SENP7: variants seen among roughly 807,000 people sequenced by gnomAD.
SENP7 encodes the protein SUMO specific peptidase 7.
SENP7 carries 64 observed loss-of-function variants against 141.2 expected under a neutral mutation model. The ratio of observed to expected loss-of-function variants is 0.45; its 90% CI spans 0.37 to 0.56. SENP7 has a LOEUF of 0.56. SENP7 is among the 20% of genes least tolerant of loss of function. The pLI, the probability that SENP7 is intolerant of heterozygous loss-of-function variation, is 0.00. For missense variants in SENP7, 1,025 were observed against 1,212.2 expected (o/e 0.85, Z 2.29); for synonymous variants, 382 against 426.4 (o/e 0.90, Z 1.28).
At chr3:101,400,975 G>A (rs974025267) in intron 5 of SENP7, among the ~76,000 whole-genome samples, 4 of 152,010 alleles carry the variant, frequency 2.6e-5, no homozygotes, top group Admixed American at 6.6e-5. Flanking sequence ...GTACATGCCT[G>A]TAGTCCGAGC....
chr3:101,433,833 C>T (rs1008736719), intron 4 of SENP7, among the ~76,000 whole-genome samples: 1 of 152,088 alleles, frequency 6.6e-6, no homozygotes, highest in African/African-American at 2.4e-5. Flanking sequence ...GAGACTTCAG[C>T]ACCCCACTTT....
chr3:101,348,218 G>GCC (rs1443301951), intron 12 of SENP7, among the ~76,000 whole-genome samples, 167 bp from the exon 13 acceptor site: 5 of 151,902 alleles, frequency 3.3e-5, no homozygotes, highest in African/African-American at 1.2e-4. Flanking sequence ...TAGCTAAAAT[G>GCC]CCCCCAGCAG....
intron 5 of SENP7, among the ~76,000 whole-genome samples, chr3:101,400,230 G>A (rs930134525): frequency 1.3e-5 from 2 of 152,036 alleles, no homozygotes; most frequent in African/African-American, 2.4e-5. Context: ...CTCTTTATTA[G>A]ATGCCCAGTT....
chr3:101,326,665 A>G (rs1158889062), intron 23 of SENP7, among the ~76,000 whole-genome samples: 1 of 152,162 alleles, frequency 6.6e-6, no homozygotes, highest in Non-Finnish European at 1.5e-5. Context: ...TCTGTGAGCT[A>G]GAAAATAACA....
At chr3:101,359,397 T>C (rs1288604455) in intron 11 of SENP7, among the ~76,000 whole-genome samples, 1 of 149,610 alleles carries the variant, frequency 6.7e-6, no homozygotes, top group Non-Finnish European at 1.5e-5. Flanking sequence ...TATATAAATA[T>C]ATATATAGAA....
intron 6 of SENP7, among the ~76,000 whole-genome samples, chr3:101,373,029 C>G (rs1394016472): frequency 1.3e-5 from 2 of 151,856 alleles, no homozygotes; most frequent in Non-Finnish European, 2.9e-5. Flanking sequence ...ACCAATTACA[C>G]GTAATGCTTC....
intron 17 of SENP7, among the ~76,000 whole-genome samples, chr3:101,334,053 C>T (rs971810853): frequency 6.6e-6 from 1 of 152,150 alleles, no homozygotes; most frequent in African/African-American, 2.4e-5. Context: ...GAGTATCTAA[C>T]GCTGCCACTG....
intron 6 of SENP7, among the ~76,000 whole-genome samples, chr3:101,375,537 C>T (rs1248233254): frequency 2.1e-5 from 2 of 93,278 alleles, no homozygotes; most frequent in African/African-American, 8.7e-5. Context: ...AGCGAAATTC[C>T]ATCTCCAAAA....
intron 4 of SENP7, among the ~76,000 whole-genome samples, chr3:101,439,222 A>C (rs2062531277): frequency 1.1e-5 from 1 of 92,668 alleles, no homozygotes; most frequent in Non-Finnish European, 2.3e-5. Flanking sequence ...TGCCCGGCCG[A>C]GACCCCGTCT....
rs77391428 is a variant in SENP7 at position 101,365,737 on chromosome 3, C to A, written c.1318+693G>T. ...TAAATTTATTCAATTTAGAAACAGG[C>A]CTATCAGTTGTTATCTGATTTATAG... On this transcript the variant is annotated intron_variant, in intron 9 of 23. Coordinates refer to ENST00000394095, the MANE Select transcript of SENP7 (RefSeq NM_020654.5). Among the ~76,000 whole-genome samples the A allele has an allele frequency of 6.0e-3, 918 of 151,822 alleles. 11 individuals carry two copies. Among genetic ancestry groups the A allele is most frequent in the African/African-American group, 0.021 (888 of 41,354 alleles).
At chr3:101,341,597 A>G (rs762046096) in intron 15 of SENP7, 49 bp downstream of exon 15, 1 of 1,378,312 alleles carries the variant, frequency 7.3e-7, no homozygotes, top group East Asian at 2.7e-5. Context: ...ACATGAATAA[A>G]AACTACTAAT....
At chr3:101,491,685 T>A (rs1298711796) in intron 3 of SENP7, among the ~76,000 whole-genome samples, 9 of 152,238 alleles carry the variant, frequency 5.9e-5, no homozygotes, top group Non-Finnish European at 1.3e-4. Context: ...TTGTATCCAA[T>A]ACAAACCAAC....
At chr3:101,463,369 ATAT>A (rs2063621803) in intron 3 of SENP7, among the ~76,000 whole-genome samples, 52 of 80,570 alleles carry the variant, frequency 6.5e-4, no homozygotes, top group South Asian at 2.3e-3. Context: ...AAATAAATAT[ATAT>A]ATATATATAT....
intron 9 of SENP7, among the ~76,000 whole-genome samples, chr3:101,366,159 T>C (rs1425775387): frequency 6.6e-6 from 1 of 152,238 alleles, no homozygotes; most frequent in African/African-American, 2.4e-5. Flanking sequence ...TTAAATAATC[T>C]ATTTTAAAAC....
At chr3:101,409,003 T>C (rs1023201399) in intron 5 of SENP7, among the ~76,000 whole-genome samples, 1 of 152,130 alleles carries the variant, frequency 6.6e-6, no homozygotes. Flanking sequence ...CCCTATTTGC[T>C]GACGCTATGA....
chr3:101,439,543 A>G (rs1217741230), intron 4 of SENP7, among the ~76,000 whole-genome samples: 1 of 34,318 alleles, frequency 2.9e-5, no homozygotes. Flanking sequence ...TCCGGGAGGG[A>G]GGTGGGGGGG....
intron 1 of SENP7, among the ~76,000 whole-genome samples, chr3:101,511,583 T>C (rs1374351777): frequency 6.6e-6 from 1 of 152,188 alleles, no homozygotes; most frequent in Non-Finnish European, 1.5e-5. Flanking sequence ...AATATACATA[T>C]ATATCATTTA....
chr3:101,512,916 C>G (rs1205305467), intron 1 of SENP7, among the ~76,000 whole-genome samples, 175 bp downstream of exon 1: 1 of 152,024 alleles, frequency 6.6e-6, no homozygotes, highest in African/African-American at 2.4e-5. Context: ...CGGACCGGGT[C>G]TTCGACTCCA....
At chr3:101,479,921 A>AACACACACAC (rs1553751527) in intron 3 of SENP7, among the ~76,000 whole-genome samples, 1 of 72,538 alleles carries the variant, frequency 1.4e-5, no homozygotes, top group Non-Finnish European at 2.6e-5. Flanking sequence ...AAAAAAAAAA[A>AACACACACAC]ACACACACAC....
Sources: allele counts gnomAD v4.1 joint callset (sites outside exome capture counted in the v4.1 genomes callset), GRCh38; gene constraint gnomAD v4.1.1; transcripts MANE v1.5; gene names NCBI Gene and HGNC (gene_info 2026-07-23, HGNC 2026-07-21).